The following TCERG1L variants were observed in gnomAD, a reference collection of about 807,000 sequenced individuals.
TCERG1L encodes the protein transcription elongation regulator 1 like.
Under a neutral mutation model 56.3 loss-of-function variants are expected in TCERG1L, and 37 were observed. The observed-to-expected ratio is 0.66, with a 90% CI of 0.51 to 0.87. The LOEUF is 0.87. Ranked by LOEUF, TCERG1L falls within the 40% of genes least tolerant of loss-of-function variation. The probability of loss-of-function intolerance (pLI) is 0.00; values close to 1 mark genes in which losing one functional copy is unlikely to be tolerated. For synonymous variants in TCERG1L, 324 were observed against 326.3 expected, an observed-to-expected ratio of 0.99 and a Z score of 0.08; for missense variants, 799 against 774.2, an observed-to-expected ratio of 1.03 and a Z score of -0.38.
At chr10:131,282,618 A>G (rs1466767926) in intron 3 of TCERG1L, among the ~76,000 whole-genome samples, 1 of 151,626 alleles carries the variant, frequency 6.6e-6, no homozygotes, top group East Asian at 1.9e-4. Context: ...TTTAAAAATA[A>G]CCCTGCTTTG....
chr10:131,240,720 T>C (rs1845962849), intron 4 of TCERG1L, among the ~76,000 whole-genome samples: 1 of 152,102 alleles, frequency 6.6e-6, no homozygotes, highest in South Asian at 2.1e-4. Context: ...TCGGCGTCCA[T>C]CCTGTCTGAG....
At chr10:131,128,983 T>C (rs1027066999) in intron 8 of TCERG1L, among the ~76,000 whole-genome samples, 11 of 152,212 alleles carry the variant, frequency 7.2e-5, no homozygotes, top group African/African-American at 2.7e-4. Context: ...GCCCCAGGCA[T>C]GATCTATGTC....
At chr10:131,247,046 G>A (rs958060082) in intron 4 of TCERG1L, among the ~76,000 whole-genome samples, 9 of 152,160 alleles carry the variant, frequency 5.9e-5, no homozygotes, top group Non-Finnish European at 4.4e-5. Context: ...AAGCTGGTGG[G>A]GTGAGATGTG....
intron 3 of TCERG1L, among the ~76,000 whole-genome samples, chr10:131,285,451 AAGAG>A (rs59841992): frequency 1.4e-5 from 2 of 143,822 alleles, no homozygotes; most frequent in Admixed American, 6.9e-5. Context: ...GAAACAAAGA[AAGAG>A]AGAGAAAGGG....
At chr10:131,160,413 G>A (rs1373292829) in intron 6 of TCERG1L, among the ~76,000 whole-genome samples, 1 of 151,502 alleles carries the variant, frequency 6.6e-6, no homozygotes, top group Non-Finnish European at 1.5e-5. Context: ...CCTACACCCC[G>A]CCACTCCCTC....
chr10:131,183,713 G>A (rs1845205910), intron 4 of TCERG1L, among the ~76,000 whole-genome samples: 1 of 152,202 alleles, frequency 6.6e-6, no homozygotes, highest in Non-Finnish European at 1.5e-5. Context: ...TCTGAGCTCA[G>A]GGCCCAGGCT....
intron 4 of TCERG1L, among the ~76,000 whole-genome samples, chr10:131,207,892 T>C (rs1348679612): frequency 6.6e-6 from 1 of 151,952 alleles, no homozygotes; most frequent in Non-Finnish European, 1.5e-5. Context: ...CAGCTGGAAA[T>C]AGGCTGTGTC....
chr10:131,147,210 A>G (rs978404507), intron 6 of TCERG1L, among the ~76,000 whole-genome samples: 1 of 152,200 alleles, frequency 6.6e-6, no homozygotes, highest in African/African-American at 2.4e-5. Context: ...ATGGGCAAAT[A>G]AGGAAGATTT....
At chr10:131,235,415 G>C (rs777059821) in intron 4 of TCERG1L, among the ~76,000 whole-genome samples, 2 of 152,178 alleles carry the variant, frequency 1.3e-5, no homozygotes, top group African/African-American at 4.8e-5. Context: ...AGGAAGAGGG[G>C]TGTCATTTTG....
At chr10:131,097,676 A>G (rs1845264093) in intron 11 of TCERG1L, among the ~76,000 whole-genome samples, 2 of 152,222 alleles carry the variant, frequency 1.3e-5, no homozygotes, top group African/African-American at 2.4e-5. Context: ...AGATCAGTCA[A>G]TTAAAGCTAA....
intron 4 of TCERG1L, among the ~76,000 whole-genome samples, chr10:131,259,354 TG>T (rs1340056059): frequency 6.6e-6 from 1 of 152,204 alleles, no homozygotes. Context: ...CAATCTTCCA[TG>T]GAATTTCTCT....
rs1845481254 is a variant in TCERG1L at position 131,118,360 on chromosome 10, T to C, written c.1260-1426A>G. ...GGATTGTGAGTTTCTCGAACCGTAGTCTGGGCTTTCTGATTTGGTCTAGAG... is the reference window on the plus strand; with the variant it reads ...GGATTGTGAGTTTCTCGAACCGTAGCCTGGGCTTTCTGATTTGGTCTAGAG... On this transcript the variant is annotated intron_variant, in intron 8 of 11. Coordinates refer to ENST00000368642, the MANE Select transcript of TCERG1L (RefSeq NM_174937.4). The surrounding 1 kb of genome is among the most constrained non-coding windows in gnomAD (Gnocchi z 4.2). Among the ~76,000 whole-genome samples, 1 of 152,200 alleles carries C rather than the reference T, an allele frequency of 6.6e-6. No homozygotes were observed. Among genetic ancestry groups the C allele is most frequent in the South Asian group, 2.1e-4 (1 of 4,824 alleles).
intron 4 of TCERG1L, among the ~76,000 whole-genome samples, chr10:131,225,347 G>A (rs146624817): frequency 2.3e-4 from 35 of 152,256 alleles, no homozygotes; most frequent in African/African-American, 8.4e-4. Context: ...ACAGGATCAC[G>A]CAGAAGAACC....
At chr10:131,117,073 G>A (rs922608010) in intron 8 of TCERG1L, 139 bp from the exon 9 acceptor site, 24 of 1,185,356 alleles carry the variant, frequency 2.0e-5, no homozygotes, top group Admixed American at 5.3e-5. Flanking sequence ...GCCTGAGGCG[G>A]TCTCCCTCGC....
intron 4 of TCERG1L, among the ~76,000 whole-genome samples, chr10:131,192,230 T>G (rs1845312816): frequency 2.3e-5 from 3 of 131,926 alleles, no homozygotes; most frequent in African/African-American, 8.9e-5. Context: ...GAACAGACAT[T>G]TCTCAAAAGA....
chr10:131,259,545 G>C (rs1034649533), intron 4 of TCERG1L, among the ~76,000 whole-genome samples: 1 of 152,182 alleles, frequency 6.6e-6, no homozygotes, highest in African/African-American at 2.4e-5. Flanking sequence ...GGATGGACAC[G>C]CATGCCTGTG....
At chr10:131,189,973 A>T (rs1845287335) in intron 4 of TCERG1L, among the ~76,000 whole-genome samples, 1 of 152,236 alleles carries the variant, frequency 6.6e-6, no homozygotes. Context: ...CAAAAGACCA[A>T]TGAAACAAAA....
rs772309297 is a variant in TCERG1L, at chr10:131,103,955, TTAAG to T, written c.1485+306_1485+309del. Among the ~76,000 whole-genome samples the T allele has an allele frequency of 9.2e-5, 14 of 152,206 alleles. No homozygotes were observed. The highest frequency in any genetic ancestry group is 1.3e-4 in the Non-Finnish European group (9 of 68,034). On this transcript the variant is annotated intron_variant, in intron 10 of 11. Coordinates refer to ENST00000368642, the MANE Select transcript of TCERG1L (RefSeq NM_174937.4). This position sits in a 1 kb window ranked among gnomAD's most constrained non-coding sequence, Gnocchi z 4.3. ...TCTTTCACTATCTTTATATAATACC[TTAAG>T]TATTTCATATTTTTAACATACGATT...
intron 6 of TCERG1L, among the ~76,000 whole-genome samples, chr10:131,156,708 T>G (rs574683344): frequency 6.6e-6 from 1 of 152,270 alleles, no homozygotes; most frequent in South Asian, 2.1e-4. Flanking sequence ...TGAAAATCCC[T>G]GTCCTGTTTT....
Sources: gnomAD v4.1 joint callset for allele counts (sites outside exome capture counted in the v4.1 genomes callset) on GRCh38, gnomAD v4.1.1 for gene constraint, Gnocchi (gnomAD v3.1) non-coding constraint, MANE v1.5 for transcripts, NCBI Gene and HGNC (gene_info 2026-07-23, HGNC 2026-07-21) for gene names.